ARHGEF7: variants seen among roughly 807,000 people sequenced by gnomAD.
ARHGEF7 encodes Rho guanine nucleotide exchange factor 7.
ARHGEF7 carries 33 observed loss-of-function variants against 109.8 expected under a neutral mutation model. That is an observed-to-expected ratio of 0.30 (90% CI 0.23 to 0.40). ARHGEF7 has a LOEUF of 0.40. Among genes scored for constraint, ARHGEF7 ranks in the 10% least tolerant of loss-of-function variants. The probability of loss-of-function intolerance (pLI) is 1.00; values close to 1 mark genes in which losing one functional copy is unlikely to be tolerated. For synonymous variants in ARHGEF7, 458 were observed against 424.6 expected (o/e 1.08, Z -0.97); for missense variants, 938 against 1,098.5 (o/e 0.85, Z 2.07).
At chr13:111,154,102 C>G (rs980757174) in intron 2 of ARHGEF7, 111 bp downstream of exon 2, 1 of 1,101,436 alleles carries the variant, frequency 9.1e-7, no homozygotes, top group East Asian at 3.1e-5. Context: ...CCGGATCCGA[C>G]CCTCCCCGGC....
intron 8 of ARHGEF7, among the ~76,000 whole-genome samples, chr13:111,244,771 G>A (rs1215932292): frequency 6.6e-6 from 1 of 152,194 alleles, no homozygotes; most frequent in Non-Finnish European, 1.5e-5. Flanking sequence ...TTTGGATTGT[G>A]AATTTTAAAT....
chr13:111,202,902 ATCTCATTG>A (rs1454468539), intron 2 of ARHGEF7, among the ~76,000 whole-genome samples: 1 of 152,240 alleles, frequency 6.6e-6, no homozygotes, highest in Non-Finnish European at 1.5e-5. Context: ...GATTTGCCTC[ATCTCATTG>A]TCTAGCTTCC....
At chr13:111,241,613 G>A (rs907694830) in intron 6 of ARHGEF7, among the ~76,000 whole-genome samples, 3 of 152,210 alleles carry the variant, frequency 2.0e-5, no homozygotes, top group Non-Finnish European at 4.4e-5. Context: ...AGTTTTTGGT[G>A]CTTATGGGAA....
chr13:111,144,927 C>A (rs1330040843), intron 1 of ARHGEF7, among the ~76,000 whole-genome samples: 1 of 152,172 alleles, frequency 6.6e-6, no homozygotes, highest in Non-Finnish European at 1.5e-5. Context: ...GTTCCCTTGT[C>A]CTCCATGCCC....
At chr13:111,286,619 C>A (rs1595540966) in intron 17 of ARHGEF7, among the ~76,000 whole-genome samples, 1 of 152,102 alleles carries the variant, frequency 6.6e-6, no homozygotes, top group East Asian at 1.9e-4. Flanking sequence ...AGAAGCGTGA[C>A]CTGCTGTGTT....
At chr13:111,221,644 TA>T (rs1263326891) in intron 5 of ARHGEF7, among the ~76,000 whole-genome samples, 1 of 38,192 alleles carries the variant, frequency 2.6e-5, no homozygotes, top group African/African-American at 9.0e-5. Context: ...ATCTCCCCTT[TA>T]TATATATATA....
rs367595405 is a variant in ARHGEF7 at position 111,115,672 on chromosome 13, T to G, written c.146T>G (p.Leu49Arg). The G allele has an allele frequency of 1.3e-5, 17 of 1,279,706 alleles. No homozygotes were observed. The highest frequency in any genetic ancestry group is 1.6e-5 in the African/African-American group (1 of 62,774). The allele number at this position is 1,279,706 out of a possible 1,614,324, so 79.3% of individuals were successfully genotyped here. The change falls in exon 1 of 22, where the codon CTC (leucine) becomes CGC (arginine). Residue 49 changes from leucine (L) to arginine (R), a missense_variant. This residue lies in a region of ARHGEF7 where 165 missense variants were observed against 125.8 expected (regional missense o/e 1.31). Coordinates refer to ENST00000646102, the MANE Select transcript of ARHGEF7 (RefSeq NM_001354046.2). ...CTCTGCAGGCTGCTGGAGCGCCTGCTCCCCGGGACCATCGAGAAAGTAAGT... is the reference window on the plus strand; with the variant it reads ...CTCTGCAGGCTGCTGGAGCGCCTGCGCCCCGGGACCATCGAGAAAGTAAGT... ...VVLCRLLERL[L>R]PGTIEKVYPE...
intron 8 of ARHGEF7, among the ~76,000 whole-genome samples, chr13:111,252,854 A>G (rs2089947580): frequency 6.6e-6 from 1 of 152,192 alleles, no homozygotes; most frequent in African/African-American, 2.4e-5. Flanking sequence ...CATTCGAGGT[A>G]TGTATGTGAA....
chr13:111,282,739 G>A (rs2092836391), intron 15 of ARHGEF7: 1 of 229,496 alleles, frequency 4.4e-6, no homozygotes, highest in Non-Finnish European at 8.5e-6. Flanking sequence ...ACGTGGCTGG[G>A]GGGGAATCAC....
chr13:111,295,649 G>A (rs1272138009), intron 19 of ARHGEF7, among the ~76,000 whole-genome samples: 1 of 152,224 alleles, frequency 6.6e-6, no homozygotes, highest in African/African-American at 2.4e-5. Flanking sequence ...AGGACAAGGT[G>A]CAGACAGTAA....
Position 111,115,467 on chromosome 13 carries a change from G to C in ARHGEF7, c.-60G>C. On this transcript the variant is annotated 5_prime_UTR_variant, in exon 1 of 22. Coordinates refer to ENST00000646102, the MANE Select transcript of ARHGEF7 (RefSeq NM_001354046.2). Reference sequence around the variant, plus strand: ...GCGGCGGCGGCGGGGGCCGCGGGCCGGGCCGCCGCTCCGAGGTGAAGGCGC... The same window carrying C: ...GCGGCGGCGGCGGGGGCCGCGGGCCCGGCCGCCGCTCCGAGGTGAAGGCGC... The C allele has an allele frequency of 4.0e-6, 4 of 1,010,280 alleles. No homozygotes were observed. Among genetic ancestry groups the C allele is most frequent in the Non-Finnish European group, 4.7e-6 (4 of 847,626 alleles). 62.6% of individuals were successfully genotyped at this position (1,010,280 alleles called of 1,614,324 possible).
chr13:111,226,344 C>A (rs1445842535), intron 5 of ARHGEF7, among the ~76,000 whole-genome samples: 1 of 152,250 alleles, frequency 6.6e-6, no homozygotes, highest in African/African-American at 2.4e-5. Flanking sequence ...TCCAGAAGAT[C>A]TAGCTGACAT....
In ARHGEF7 at chr13:111,233,250, A is replaced by G. The variant is rs1302610759; in HGVS notation, c.716A>G (p.Lys239Arg). Residue 239 changes from lysine (K) to arginine (R), a missense_variant, in exon 6 of 22, where the codon AAA becomes AGA. Lys to Arg is a conservative substitution (Grantham distance 26). This residue lies in a region of ARHGEF7 where 585 missense variants were observed against 723.6 expected (regional missense o/e 0.81). Coordinates refer to ENST00000646102, the MANE Select transcript of ARHGEF7 (RefSeq NM_001354046.2). ...TCAGGAACACTGAAGAGCCCTCCCA[A>G]AGGATTTGATACGACTGCCATAAAC... ...PKSGTLKSPP[K>R]GFDTTAINKS... The G allele has an allele frequency of 1.9e-6, 3 of 1,614,072 alleles. No homozygotes were observed. Among genetic ancestry groups the G allele is most frequent in the Non-Finnish European group, 2.5e-6 (3 of 1,180,016 alleles).
intron 1 of ARHGEF7, among the ~76,000 whole-genome samples, chr13:111,116,018 C>T (rs1379546278): frequency 3.9e-5 from 6 of 152,086 alleles, no homozygotes; most frequent in Non-Finnish European, 7.4e-5. Context: ...CGTGGGGGGC[C>T]GGCCCCGCTC....
At chr13:111,217,578 G>T in intron 4 of ARHGEF7, 101 bp from the exon 5 acceptor site, 3 of 1,118,364 alleles carry the variant, frequency 2.7e-6, no homozygotes, top group East Asian at 2.4e-5. Flanking sequence ...TTCTACTGTT[G>T]GGCAATTATG....
intron 6 of ARHGEF7, among the ~76,000 whole-genome samples, chr13:111,234,705 C>T (rs2086562884): frequency 6.6e-6 from 1 of 152,128 alleles, no homozygotes; most frequent in Non-Finnish European, 1.5e-5. Flanking sequence ...CTTGGAAACC[C>T]TTTTCTTTTG....
chr13:111,191,102 G>T (rs1025814748), intron 2 of ARHGEF7, among the ~76,000 whole-genome samples: 1 of 152,178 alleles, frequency 6.6e-6, no homozygotes, highest in Non-Finnish European at 1.5e-5. Flanking sequence ...GAATGGTCAT[G>T]CAGGGAGTAT....
intron 3 of ARHGEF7, among the ~76,000 whole-genome samples, chr13:111,208,918 C>T (rs902621531): frequency 4.6e-5 from 7 of 152,190 alleles, no homozygotes; most frequent in Non-Finnish European, 1.0e-4. Context: ...GCCAGCTTTA[C>T]CTGATGGGAT....
chr13:111,185,961 C>CGTGTGT (rs71127998), intron 2 of ARHGEF7, among the ~76,000 whole-genome samples: 12,725 of 135,678 alleles, frequency 0.094, 726 homozygotes, highest in Non-Finnish European at 0.11. Flanking sequence ...TTTGGGAGCT[C>CGTGTGT]GTGTGTGTGT....
Sources: allele counts gnomAD v4.1 joint callset (sites outside exome capture counted in the v4.1 genomes callset), GRCh38; gene constraint gnomAD v4.1.1; regional missense constraint gnomAD v4.1.1; transcripts MANE v1.5; gene names NCBI Gene and HGNC (gene_info 2026-07-23, HGNC 2026-07-21).